HELQ: variants seen among roughly 807,000 people sequenced by gnomAD.
HELQ encodes helicase, POLQ like.
HELQ carries 77 observed loss-of-function variants against 111.6 expected under a neutral mutation model. The observed-to-expected ratio is 0.69, with a 90% CI of 0.57 to 0.83. The LOEUF (loss-of-function observed/expected upper bound fraction) is 0.83. Among genes scored for constraint, HELQ ranks in the 40% least tolerant of loss-of-function variants. The pLI, the probability that HELQ is intolerant of heterozygous loss-of-function variation, is 0.00. For missense variants in HELQ, 1,200 were observed against 1,288.5 expected, an observed-to-expected ratio of 0.93 and a Z score of 1.05; for synonymous variants, 438 against 454.7, an observed-to-expected ratio of 0.96 and a Z score of 0.47.
intron 17 of HELQ, among the ~76,000 whole-genome samples, chr4:83,409,486 G>C (rs895814159): frequency 6.6e-6 from 1 of 151,858 alleles, no homozygotes; most frequent in African/African-American, 2.4e-5. Context: ...CCTGGGAGGC[G>C]GAGCTTGCAG....
rs1721700566 is a variant in HELQ at position 83,455,324 on chromosome 4, TA to T, written c.297+72del. 2.6e-6 allele frequency: 4 copies of T among 1,565,284 alleles called. No individual in the cohort carries two copies. The African/African-American group carries it at 4.1e-5, about 16-fold the overall frequency. On this transcript the variant is annotated intron_variant, in intron 1 of 17. Transcript: ENST00000295488. ...AGACGAGAGAAGTAAACGAAGGCGATAAAACTGGTCAACTCTTTGCATCTGG... is the reference window on the plus strand; with the variant it reads ...AGACGAGAGAAGTAAACGAAGGCGATAAACTGGTCAACTCTTTGCATCTGG...
chr4:83,441,517 T>C, intron 6 of HELQ, 114 bp from the exon 7 acceptor site: 1 of 547,906 alleles, frequency 1.8e-6, no homozygotes, highest in Non-Finnish European at 3.2e-6. Flanking sequence ...TTAGCTTTTC[T>C]AAGATACATA....
At chr4:83,416,349 T>C (rs183659997) in intron 17 of HELQ, among the ~76,000 whole-genome samples, 124 of 151,818 alleles carry the variant, frequency 8.2e-4, no homozygotes, top group Admixed American at 2.1e-3. Context: ...GTCTCCGGAG[T>C]AGCTAGAACT....
At chr4:83,417,918 C>T (rs1305550247) in intron 16 of HELQ, among the ~76,000 whole-genome samples, 175 bp downstream of exon 16, 2 of 151,672 alleles carry the variant, frequency 1.3e-5, no homozygotes, top group South Asian at 2.1e-4. Flanking sequence ...CTAGTAACAG[C>T]GGATTTCTGG....
At chr4:83,441,477 T>C in intron 6 of HELQ, 74 bp from the exon 7 acceptor site, 1 of 707,548 alleles carries the variant, frequency 1.4e-6, no homozygotes, top group Non-Finnish European at 2.4e-6. Flanking sequence ...TATTGTAAAA[T>C]AGGTTAAGAA....
At position 83,427,591 on chromosome 4, in the gene HELQ, T is replaced by C; in HGVS notation, c.2648A>G (p.Asn883Ser). The C allele has an allele frequency of 3.8e-6, 6 of 1,593,564 alleles. No individual in the cohort carries two copies. Among genetic ancestry groups the C allele is most frequent in the Non-Finnish European group, 5.1e-6 (6 of 1,172,830 alleles). ...TTPYDLVSQC[N>S]PDWMIYFRQF... ...CCTGAAGTATATCATCCAATCAGGG[T>C]TACACTGTGAAACCAGATCATAGGG... The change falls in exon 13 of 18, where the codon AAC (asparagine) becomes AGC (serine). Residue 883 changes from asparagine (N) to serine (S), a missense_variant. By Grantham distance (46) the Asn-to-Ser change is conservative (BLOSUM62 1). Around this residue, in one of 3 missense-constraint regions of HELQ, gnomAD observed 585 missense variants for 665.3 expected, o/e 0.88. Coordinates refer to ENST00000295488, the MANE Select transcript of HELQ (RefSeq NM_133636.5).
At chr4:83,433,435 AG>A (rs916341582) in intron 9 of HELQ, among the ~76,000 whole-genome samples, 25 of 152,110 alleles carry the variant, frequency 1.6e-4, no homozygotes, top group South Asian at 4.1e-4. Context: ...TGAGAGGCTG[AG>A]GGGGGCGGAT....
chr4:83,438,689 C>A (rs1018354068), intron 8 of HELQ, among the ~76,000 whole-genome samples: 1 of 139,074 alleles, frequency 7.2e-6, no homozygotes, highest in Non-Finnish European at 1.5e-5. Flanking sequence ...CTGCAGTGAG[C>A]TAGCTGAATT....
At chr4:83,425,365 G>GA (rs568267935) in intron 14 of HELQ, among the ~76,000 whole-genome samples, 1,861 of 142,804 alleles carry the variant, frequency 0.013, 24 homozygotes, top group African/African-American at 0.041. Context: ...AATTTAAAAT[G>GA]AAAAAAAAAA....
chr4:83,439,180 G>A (rs753126502), intron 8 of HELQ, among the ~76,000 whole-genome samples: 4 of 151,604 alleles, frequency 2.6e-5, no homozygotes, highest in African/African-American at 7.3e-5. Flanking sequence ...TGATTCTCCC[G>A]CCTTAGCCTC....
intron 3 of HELQ, among the ~76,000 whole-genome samples, chr4:83,448,024 A>T (rs1721145812): frequency 2.0e-5 from 3 of 152,056 alleles, no homozygotes; most frequent in Admixed American, 2.0e-4. Context: ...AGCCTGTCCA[A>T]CATGATGAAA....
At chr4:83,417,500 C>T (rs1739427328) in intron 16 of HELQ, among the ~76,000 whole-genome samples, 1 of 152,102 alleles carries the variant, frequency 6.6e-6, no homozygotes, top group African/African-American at 2.4e-5. Flanking sequence ...CATCATCAGG[C>T]CAAGTCCAAT....
chr4:83,451,528 T>C (rs987058994), intron 2 of HELQ, among the ~76,000 whole-genome samples: 1 of 151,290 alleles, frequency 6.6e-6, no homozygotes, highest in African/African-American at 2.4e-5. Flanking sequence ...TAGCCGGGCG[T>C]GGTGGCGGGC....
At chr4:83,411,104 G>A (rs1204440301) in intron 17 of HELQ, among the ~76,000 whole-genome samples, 1 of 145,660 alleles carries the variant, frequency 6.9e-6, no homozygotes, top group African/African-American at 2.6e-5. Context: ...AGGTTGCAGT[G>A]AGGCATGATT....
Position 83,453,862 on chromosome 4 carries a change from T to C in HELQ, c.381A>G (p.Glu127=), listed in dbSNP as rs140155835. The change falls in exon 2 of 18, where the codon GAA becomes GAG. Residue 127 remains glutamate, a synonymous_variant. Transcript: ENST00000295488. ...NSFIAQVDDL[E]QKYMQLPEHK... ...GTTCAGGGAGTTGCATATATTTTTG[T>C]TCCAGGTCGTCAACTTGAGCTATAA... 5.3e-5 allele frequency: 85 copies of C among 1,614,112 alleles called. No individual in the cohort carries two copies. The African/African-American group carries it at 8.5e-4, about 16-fold the overall frequency.
intron 7 of HELQ, 59 bp from the exon 8 acceptor site, chr4:83,440,067 T>C: frequency 7.5e-7 from 1 of 1,330,162 alleles, no homozygotes; most frequent in Non-Finnish European, 1.0e-6. Context: ...CCTGTCAATT[T>C]TTTACCAGTG....
chr4:83,416,770 T>C lies in HELQ; in HGVS notation c.3159A>G (p.Leu1053=), dbSNP rs752466353. Residue 1053 remains leucine (L), a synonymous_variant, in exon 17 of 18, where the codon TTA becomes TTG. Coordinates refer to ENST00000295488, the MANE Select transcript of HELQ (RefSeq NM_133636.5). ...CAATTTGCTTGGCTTGGCGTCTTGA[T>C]AAATGATCAATTGTCCTTACGAGCA... ...PEVLVRTIDH[L]SRRQAKQIVS... The C allele has an allele frequency of 6.2e-7, 1 of 1,613,724 alleles. No homozygotes were observed. The highest frequency in any genetic ancestry group is 8.5e-7 in the Non-Finnish European group (1 of 1,179,898).
chr4:83,455,218 G>A (rs1578112939), intron 1 of HELQ, 179 bp downstream of exon 1: 1 of 1,305,940 alleles, frequency 7.7e-7, no homozygotes, highest in East Asian at 2.6e-5. Context: ...TATGTCTCGG[G>A]GTTTACATTT....
At chr4:83,445,913 TCTTGCTTTAGGTTACATAC>T (rs1345621810) in intron 5 of HELQ, 82 bp downstream of exon 5, 1 of 734,664 alleles carries the variant, frequency 1.4e-6, no homozygotes, top group Non-Finnish European at 2.3e-6. Context: ...AGCTTAAGTA[TCTTGCTTTAGGTTACATAC>T]TGTAGCTAGT....
Sources: allele counts gnomAD v4.1 joint callset (sites outside exome capture counted in the v4.1 genomes callset), GRCh38; gene constraint gnomAD v4.1.1; regional missense constraint gnomAD v4.1.1; transcripts MANE v1.5; gene names NCBI Gene and HGNC (gene_info 2026-07-23, HGNC 2026-07-21).